APPBP2: variants seen among roughly 807,000 people sequenced by gnomAD.
APPBP2 encodes the protein amyloid beta precursor protein binding protein 2, also known as amyloid protein-binding protein 2.
In APPBP2, 15 loss-of-function variants were observed where a neutral mutation model predicts 76.0. That is an observed-to-expected ratio of 0.20 (90% CI 0.13 to 0.30). The LOEUF is 0.30. Ranked by LOEUF, APPBP2 falls within the 10% of genes least tolerant of loss-of-function variation. The probability of loss-of-function intolerance (pLI) is 1.00; values close to 1 mark genes in which losing one functional copy is unlikely to be tolerated. For synonymous variants in APPBP2, 222 were observed against 242.2 expected (o/e 0.92, Z 0.77); for missense variants, 401 against 687.2 (o/e 0.58, Z 4.66).
chr17:60,456,410 TTTC>T, intron 9 of APPBP2, 29 bp from the exon 10 acceptor site: 1 of 1,391,392 alleles, frequency 7.2e-7, no homozygotes, highest in Admixed American at 1.7e-5. Context: ...CAGTCTGGCA[TTTC>T]TTTTTAGTTA....
intron 1 of APPBP2, among the ~76,000 whole-genome samples, chr17:60,517,497 ATT>A (rs576680213): frequency 6.6e-6 from 1 of 152,134 alleles, no homozygotes; most frequent in East Asian, 1.9e-4. Flanking sequence ...CTGACATAAA[ATT>A]TTTTTCTAAA....
chr17:60,497,753 C>G (rs1276205476), intron 2 of APPBP2, among the ~76,000 whole-genome samples: 1 of 152,042 alleles, frequency 6.6e-6, no homozygotes, highest in Non-Finnish European at 1.5e-5. Flanking sequence ...TATTAGAGAT[C>G]AGCAGTATTT....
intron 1 of APPBP2, among the ~76,000 whole-genome samples, chr17:60,502,132 C>T (rs891783612): frequency 6.6e-6 from 1 of 152,180 alleles, no homozygotes; most frequent in Non-Finnish European, 1.5e-5. Context: ...TAGCTCAATG[C>T]AGCACTGCAG....
chr17:60,495,131 C>T (rs917041450), intron 2 of APPBP2, among the ~76,000 whole-genome samples: 16 of 146,704 alleles, frequency 1.1e-4, no homozygotes, highest in African/African-American at 3.8e-4. Context: ...ACTACAGGTA[C>T]GTGTCACCAT....
At chr17:60,516,283 T>C (rs541191290) in intron 1 of APPBP2, among the ~76,000 whole-genome samples, 1 of 152,190 alleles carries the variant, frequency 6.6e-6, no homozygotes, top group East Asian at 1.9e-4. Flanking sequence ...CATTAGTTAA[T>C]GTGGTTGTCT....
intron 1 of APPBP2, among the ~76,000 whole-genome samples, chr17:60,512,873 C>A (rs1445590315): frequency 9.2e-4 from 78 of 85,178 alleles, no homozygotes; most frequent in Middle Eastern, 7.1e-3. Flanking sequence ...AAAGAAACGA[C>A]AAAAAAAAAG....
At chr17:60,449,705 TCA>T (rs1358881839) in intron 12 of APPBP2, among the ~76,000 whole-genome samples, 1 of 151,162 alleles carries the variant, frequency 6.6e-6, no homozygotes, top group Non-Finnish European at 1.5e-5. Context: ...AAAAAAAAAA[TCA>T]GTTTCAGGAT....
chr17:60,494,325 G>C, intron 3 of APPBP2, 141 bp downstream of exon 3: 1 of 775,686 alleles, frequency 1.3e-6, no homozygotes, highest in Non-Finnish European at 2.0e-6. Flanking sequence ...ATAATGCTTT[G>C]GCATGGGGTT....
At chr17:60,477,649 A>G (rs1318369413) in intron 4 of APPBP2, 2 of 152,192 alleles carry the variant, frequency 1.3e-5, no homozygotes, top group African/African-American at 4.8e-5. Flanking sequence ...CTTCCAAAGT[A>G]TATGTGGGAA....
intron 2 of APPBP2, among the ~76,000 whole-genome samples, chr17:60,497,408 A>T (rs906290248): frequency 1.1e-4 from 16 of 152,208 alleles, no homozygotes; most frequent in Non-Finnish European, 1.9e-4. Context: ...TAAAATAGAA[A>T]GAATGAATAA....
intron 6 of APPBP2, among the ~76,000 whole-genome samples, chr17:60,463,340 G>A (rs1014514617): frequency 5.9e-5 from 9 of 152,126 alleles, no homozygotes; most frequent in Non-Finnish European, 1.0e-4. Flanking sequence ...AAGAGTTAAC[G>A]CAGGCCAACC....
At chr17:60,482,451 A>G (rs953211239) in intron 3 of APPBP2, among the ~76,000 whole-genome samples, 3 of 152,130 alleles carry the variant, frequency 2.0e-5, no homozygotes, top group South Asian at 2.1e-4. Context: ...TAGGATTAAA[A>G]ATTTATTATT....
At chr17:60,525,684 A>T (rs963508359) in intron 1 of APPBP2, 110 bp downstream of exon 1, 2 of 1,514,864 alleles carry the variant, frequency 1.3e-6, no homozygotes, top group African/African-American at 1.4e-5. Context: ...TTCGGGAGGC[A>T]AGTCTGCCGG....
intron 12 of APPBP2, 65 bp from the exon 13 acceptor site, chr17:60,447,899 T>A: frequency 7.0e-7 from 1 of 1,424,750 alleles, no homozygotes; most frequent in African/African-American, 1.4e-5. Flanking sequence ...GCAATTTCTA[T>A]AACATGAACA....
intron 1 of APPBP2, among the ~76,000 whole-genome samples, chr17:60,505,054 A>G (rs2090855163): frequency 6.6e-6 from 1 of 152,330 alleles, no homozygotes; most frequent in African/African-American, 2.4e-5. Flanking sequence ...TCTAAATTGT[A>G]TATCTACATT....
intron 5 of APPBP2, 24 bp from the exon 6 acceptor site, chr17:60,464,134 G>C (rs764694835): frequency 2.6e-5 from 41 of 1,559,044 alleles, no homozygotes; most frequent in Middle Eastern, 3.4e-4. Flanking sequence ...TTATAGAAGA[G>C]ACAGAACTGT....
At chr17:60,490,887 C>T (rs1030355182) in intron 3 of APPBP2, among the ~76,000 whole-genome samples, 2 of 152,126 alleles carry the variant, frequency 1.3e-5, no homozygotes, top group Non-Finnish European at 2.9e-5. Context: ...TCCCCAGCCA[C>T]GTGGAACTAT....
At chr17:60,457,521 G>C (rs748150606) in intron 9 of APPBP2, among the ~76,000 whole-genome samples, 12 of 151,988 alleles carry the variant, frequency 7.9e-5, no homozygotes, top group Admixed American at 6.6e-5. Flanking sequence ...CAAACTCCTG[G>C]GCTCGGGTGA....
intron 1 of APPBP2, among the ~76,000 whole-genome samples, chr17:60,509,724 A>C (rs2090897025): frequency 6.6e-6 from 1 of 152,124 alleles, no homozygotes; most frequent in Admixed American, 6.6e-5. Context: ...GCTTGAACCC[A>C]GGAGGTGGAG....
Sources: allele counts gnomAD v4.1 joint callset (sites outside exome capture counted in the v4.1 genomes callset), GRCh38; gene constraint gnomAD v4.1.1; transcripts MANE v1.5; gene names NCBI Gene and HGNC (gene_info 2026-07-23, HGNC 2026-07-21).